The following URB1 variants were observed in gnomAD, a reference collection of about 807,000 sequenced individuals.
URB1 encodes the protein nucleolar pre-ribosomal-associated protein 1.
Under a neutral mutation model 242.3 loss-of-function variants are expected in URB1, and 197 were observed. That is an observed-to-expected ratio of 0.81 (90% confidence interval 0.72 to 0.91). The LOEUF (loss-of-function observed/expected upper bound fraction) is 0.91, where lower values mean the gene tolerates loss of function less well. Ranked by LOEUF, URB1 falls within the 40% of genes least tolerant of loss-of-function variation. The pLI, the probability that URB1 is intolerant of heterozygous loss-of-function variation, is 0.00. For synonymous variants in URB1, 1,153 were observed against 1,201.8 expected, an observed-to-expected ratio of 0.96 and a Z score of 0.84; for missense variants, 2,721 against 2,860.5, an observed-to-expected ratio of 0.95 and a Z score of 1.11.
chr21:32,360,017 G>T (rs2033266075), intron 13 of URB1, 109 bp from the exon 14 acceptor site: 1 of 967,856 alleles, frequency 1.0e-6, no homozygotes, highest in African/African-American at 1.7e-5. Flanking sequence ...AAGAAAAAGG[G>T]TGGATGCAGG....
chr21:32,348,960 C>CT (rs2033124977), intron 21 of URB1, among the ~76,000 whole-genome samples: 1 of 152,254 alleles, frequency 6.6e-6, no homozygotes, highest in Non-Finnish European at 1.5e-5. Flanking sequence ...TCAGAGCAGT[C>CT]TATTTCCTGT....
At chr21:32,345,267 A>G (rs2033073071) in intron 23 of URB1, 107 bp downstream of exon 23, 1 of 1,228,984 alleles carries the variant, frequency 8.1e-7, no homozygotes, top group African/African-American at 1.5e-5. Context: ...CTGATCACAG[A>G]TGGGGCACAA....
At chr21:32,324,383 T>C (rs958744820) in intron 32 of URB1, 108 bp downstream of exon 32, 8 of 904,134 alleles carry the variant, frequency 8.8e-6, no homozygotes, top group African/African-American at 1.7e-5. Context: ...CGGAGTGGCC[T>C]TGAACACAGA....
chr21:32,366,802 CA>C (rs760913814), intron 9 of URB1, 47 bp from the exon 10 acceptor site: 1 of 1,542,424 alleles, frequency 6.5e-7, no homozygotes. Flanking sequence ...AAGTAAGTTT[CA>C]AACCTGAGAC....
intron 32 of URB1, 96 bp downstream of exon 32, chr21:32,324,395 G>T: frequency 1.0e-6 from 1 of 993,350 alleles, no homozygotes; most frequent in Non-Finnish European, 1.5e-6. Flanking sequence ...GAACACAGAT[G>T]TGTGACCCAC....
intron 7 of URB1, among the ~76,000 whole-genome samples, chr21:32,373,062 C>A (rs1226641140): frequency 6.6e-6 from 1 of 152,112 alleles, no homozygotes; most frequent in Non-Finnish European, 1.5e-5. Context: ...GAAGTCTGTG[C>A]CTTTACTACT....
chr21:32,344,852 T>C (rs1190456102), intron 23 of URB1, 96 bp from the exon 24 acceptor site: 1 of 1,324,530 alleles, frequency 7.5e-7, no homozygotes, highest in East Asian at 2.5e-5. Context: ...ATGGGATAGA[T>C]GCTGAGTCCT....
chr21:32,354,074 C>T lies in URB1; in HGVS notation c.2275G>A (p.Glu759Lys). ...DVLDMVDVLVEGSEGLDEEIG... is the reference protein window; with the variant it reads ...DVLDMVDVLVKGSEGLDEEIG... ...TCCTCATCCAAGCCTTCACTGCCCT[C>T]CACCAGGACATCCACCATGTCGAGA... is the stretch of plus-strand genomic sequence containing the variant. The change falls in exon 18 of 39, where the codon GAG becomes AAG. Residue 759 changes from glutamate (E) to lysine (K), a missense_variant. By Grantham distance (56) the Glu-to-Lys change is moderately conservative. Coordinates refer to ENST00000382751, the MANE Select transcript of URB1 (RefSeq NM_014825.3). The T allele has an allele frequency of 1.9e-6, 3 of 1,551,706 alleles. No homozygotes were observed. Among genetic ancestry groups the T allele is most frequent in the Non-Finnish European group, 2.6e-6 (3 of 1,147,004 alleles).
At chr21:32,356,600 G>C (rs570174825) in intron 15 of URB1, among the ~76,000 whole-genome samples, 1 of 152,314 alleles carries the variant, frequency 6.6e-6, no homozygotes, top group Non-Finnish European at 1.5e-5. Flanking sequence ...AAGGTCACGA[G>C]CCAGTCACAT....
intron 3 of URB1, among the ~76,000 whole-genome samples, chr21:32,383,960 A>G (rs2033554138): frequency 6.6e-6 from 1 of 152,158 alleles, no homozygotes; most frequent in Non-Finnish European, 1.5e-5. Context: ...TTTTCTGAGC[A>G]CCTGCTACAT....
rs770254927 is a variant in URB1 at position 32,311,983 on chromosome 21, A to G, written c.*2935T>C. The G allele has an allele frequency of 3.1e-6, 5 of 1,613,294 alleles. No individual in the cohort carries two copies. Among genetic ancestry groups the G allele is most frequent in the Non-Finnish European group, 4.2e-6 (5 of 1,180,030 alleles). On this transcript the variant is annotated 3_prime_UTR_variant, in exon 39 of 39. Coordinates refer to ENST00000382751, the MANE Select transcript of URB1 (RefSeq NM_014825.3). Reference sequence around the variant, plus strand: ...CCTCCCCCTGGAGACAGGACCTCTCAATTGCAGAGCTGATGTCAGTAAATC... The same window carrying G: ...CCTCCCCCTGGAGACAGGACCTCTCGATTGCAGAGCTGATGTCAGTAAATC...
Position 32,347,746 on chromosome 21 carries a change from C to T in URB1, c.3078G>A (p.Leu1026=), listed in dbSNP as rs2033109326. Residue 1026 remains leucine, a synonymous_variant, in exon 22 of 39, where the codon CTG becomes CTA. Transcript: ENST00000382751. ...HPTLEGWFLA[L]EQQALPPHTL... ...TGTGCGGCGGGAGGGCCTGCTGCTC[C>T]AGGGCCAGGAACCAGCCCTCCAGGG... The T allele has an allele frequency of 1.3e-6, 2 of 1,549,764 alleles. No individual in the cohort carries two copies. The highest frequency in any genetic ancestry group is 1.4e-5 in the African/African-American group (1 of 73,178).
In URB1 at chr21:32,349,558, C is replaced by T. The variant is rs923603731; in HGVS notation, c.2833-75G>A. ...CTACCAGGCAGTGACTTCCAGGGCC[C>T]GTGTTTTCAGAGCAGGAGACTCGGG... On this transcript the variant is annotated intron_variant, in intron 20 of 38. Coordinates refer to ENST00000382751, the MANE Select transcript of URB1 (RefSeq NM_014825.3). 16 of 1,432,642 alleles carry T rather than the reference C, an allele frequency of 1.1e-5. No homozygotes were observed. In the African/African-American group the frequency reaches 1.2e-4, roughly 10 times the overall value. 88.7% of individuals were successfully genotyped at this position (1,432,642 alleles called of 1,614,324 possible).
rs2032736157 is a variant in URB1 at position 32,319,339 on chromosome 21, C to T, written c.5670G>A (p.Lys1890=). The T allele has an allele frequency of 1.3e-6, 2 of 1,551,154 alleles. No homozygotes were observed. The highest frequency in any genetic ancestry group is 2.0e-5 in the Admixed American group (1 of 50,932). Residue 1890 remains lysine (K), a synonymous_variant, in exon 36 of 39, where the codon AAG becomes AAA. Coordinates refer to ENST00000382751, the MANE Select transcript of URB1 (RefSeq NM_014825.3). ...GGCGCTGGCTCTCCCACTCCACTGCCTTGTCCCCCAGGTTGGTCACCCACA... is the reference window on the plus strand; with the variant it reads ...GGCGCTGGCTCTCCCACTCCACTGCTTTGTCCCCCAGGTTGGTCACCCACA... ...HTLWVTNLGD[K]AVEWESQRLC...
rs1387656382 is a variant in URB1 at position 32,373,703 on chromosome 21, T to G, written c.820A>C (p.Ile274Leu). The G allele has an allele frequency of 6.5e-7, 1 of 1,549,560 alleles. No individual in the cohort carries two copies. Among genetic ancestry groups the G allele is most frequent in the South Asian group, 1.2e-5 (1 of 83,576 alleles). The change falls in exon 7 of 39, where the codon ATA (isoleucine) becomes CTA (leucine). Residue 274 changes from isoleucine to leucine, a missense_variant. Transcript: ENST00000382751. ...RFFTGQLLNH[I>L]ASLYNWNGIT... ...CCATTCCAGTTGTACAGCGATGCTA[T>G]GTGGTTCAATAACTGCCCCGTAAAG...
In URB1 at chr21:32,337,518, C is replaced by T. The variant is rs893279832; in HGVS notation, c.4511-4G>A. The T allele has an allele frequency of 1.3e-6, 2 of 1,551,228 alleles. No individual in the cohort carries two copies. The highest frequency in any genetic ancestry group is 1.7e-6 in the Non-Finnish European group (2 of 1,146,746). ...AGCATCAGGTCCACCAGCGCTTCTG[C>T]AAGAAAACAACCCTGAAACACATGG... On this transcript the variant is annotated splice_polypyrimidine_tract_variant and splice_region_variant and intron_variant, in intron 26 of 38. Coordinates refer to ENST00000382751, the MANE Select transcript of URB1 (RefSeq NM_014825.3).
intron 1 of URB1, among the ~76,000 whole-genome samples, chr21:32,388,847 G>A (rs140427152): frequency 1.3e-4 from 20 of 152,326 alleles, no homozygotes; most frequent in African/African-American, 3.8e-4. Flanking sequence ...TATGTTTGCC[G>A]TCTTTACAGG....
intron 3 of URB1, among the ~76,000 whole-genome samples, chr21:32,384,059 G>T (rs11911166): frequency 0.017 from 2,551 of 152,298 alleles, 69 homozygotes; most frequent in African/African-American, 0.058. Flanking sequence ...CCAGTAGAGG[G>T]AGTCACTCAA....
intron 32 of URB1, 67 bp downstream of exon 32, chr21:32,324,423 TC>T: frequency 7.7e-7 from 1 of 1,294,578 alleles, no homozygotes; most frequent in Non-Finnish European, 1.1e-6. Context: ...GTGGGACTAA[TC>T]CCTAGAAGTA....
Sources: allele counts gnomAD v4.1 joint callset (sites outside exome capture counted in the v4.1 genomes callset), GRCh38; gene constraint gnomAD v4.1.1; transcripts MANE v1.5; gene names NCBI Gene and HGNC (gene_info 2026-07-23, HGNC 2026-07-21).